The following COL14A1 variants were observed in gnomAD, a reference collection of about 807,000 sequenced individuals.
COL14A1 encodes collagen type XIV alpha 1 chain.
In COL14A1, 136 loss-of-function variants were observed where a neutral mutation model predicts 230.3. The observed-to-expected ratio is 0.59, with a 90% confidence interval of 0.51 to 0.68. The LOEUF (loss-of-function observed/expected upper bound fraction) is 0.68. Among genes scored for constraint, COL14A1 ranks in the 30% least tolerant of loss-of-function variants. The pLI, the probability that COL14A1 is intolerant of heterozygous loss-of-function variation, is 0.00. For synonymous variants in COL14A1, 792 were observed against 784.1 expected (o/e 1.01, Z -0.17); for missense variants, 1,976 against 2,215.8 (o/e 0.89, Z 2.17).
chr8:120,292,342 G>A (rs1229830507), intron 34 of COL14A1, among the ~76,000 whole-genome samples: 2 of 152,072 alleles, frequency 1.3e-5, no homozygotes, highest in African/African-American at 2.4e-5. Context: ...GTAGACAAAG[G>A]AGAATTATAG....
At chr8:120,146,995 T>C (rs1243409085) in intron 1 of COL14A1, among the ~76,000 whole-genome samples, 3 of 152,034 alleles carry the variant, frequency 2.0e-5, no homozygotes, top group African/African-American at 7.2e-5. Context: ...CATTCATTGT[T>C]TTTTCCCCTC....
At chr8:120,298,598 TA>T (rs1586842369) in intron 35 of COL14A1, among the ~76,000 whole-genome samples, 307 of 3,704 alleles carry the variant, frequency 0.083, 9 homozygotes, top group East Asian at 0.28. Flanking sequence ...CCATATATTT[TA>T]TATATATATA....
intron 1 of COL14A1, among the ~76,000 whole-genome samples, chr8:120,136,959 CAAAAAAAAA>C (rs34417716): frequency 1.3e-4 from 8 of 62,908 alleles, no homozygotes; most frequent in African/African-American, 3.4e-4. Flanking sequence ...GAGTCTGTCT[CAAAAAAAAA>C]AAAAAAAAAA....
At chr8:120,229,118 A>AT (rs1284695282) in intron 18 of COL14A1, among the ~76,000 whole-genome samples, 2 of 52,182 alleles carry the variant, frequency 3.8e-5, no homozygotes, top group African/African-American at 9.6e-5. Context: ...TATTTTATTT[A>AT]TTATTATTAT....
intron 8 of COL14A1, among the ~76,000 whole-genome samples, chr8:120,203,356 G>A (rs1278195199): frequency 6.6e-6 from 1 of 151,422 alleles, no homozygotes; most frequent in Admixed American, 6.6e-5. Flanking sequence ...ATGGGGGTGG[G>A]GGGGGGTCCC....
rs915892943 is a variant in COL14A1, at chr8:120,318,128, T to C, written c.4659+2131T>C. On this transcript the variant is annotated intron_variant, in intron 40 of 47. Transcript: ENST00000297848. ...AAACATAATGGTGCCCCTGAAATTG[T>C]GTAACATGGCTGCCTTGCTTGAGGG... Among the ~76,000 whole-genome samples, 7 of 152,220 alleles carry C rather than the reference T, an allele frequency of 4.6e-5. No homozygotes were observed. The South Asian group carries it at 1.4e-3, about 31-fold the overall frequency.
At chr8:120,299,753 G>T (rs893570346) in intron 35 of COL14A1, among the ~76,000 whole-genome samples, 5 of 152,194 alleles carry the variant, frequency 3.3e-5, no homozygotes, top group Non-Finnish European at 7.4e-5. Flanking sequence ...AACATTTAGA[G>T]AAAAGTATAT....
chr8:120,280,839 A>T, intron 30 of COL14A1, 82 bp from the exon 31 acceptor site: 1 of 1,496,742 alleles, frequency 6.7e-7, no homozygotes. Context: ...TTAAATCCTT[A>T]ATAGAAAAAT....
intron 5 of COL14A1, among the ~76,000 whole-genome samples, chr8:120,185,144 A>G (rs1336714542): frequency 1.3e-5 from 2 of 152,202 alleles, no homozygotes; most frequent in African/African-American, 4.8e-5. Flanking sequence ...ATTTCCACCC[A>G]CGATTGGATT....
At chr8:120,236,680 A>T (rs1818454869) in intron 19 of COL14A1, among the ~76,000 whole-genome samples, 1 of 152,064 alleles carries the variant, frequency 6.6e-6, no homozygotes, top group South Asian at 2.1e-4. Flanking sequence ...CTGGTTATTT[A>T]GCCCATTAGT....
chr8:120,256,664 G>T (rs1276493080), intron 23 of COL14A1, among the ~76,000 whole-genome samples: 2 of 152,184 alleles, frequency 1.3e-5, no homozygotes, highest in Admixed American at 1.3e-4. Context: ...TGATTTATGG[G>T]ATGCCAAAAG....
chr8:120,231,423 T>A (rs1218936739), intron 18 of COL14A1, 44 bp from the exon 19 acceptor site: 1 of 1,595,596 alleles, frequency 6.3e-7, no homozygotes, highest in Admixed American at 1.7e-5. Flanking sequence ...TTTTGGAATA[T>A]GATATGTTAA....
In COL14A1 at chr8:120,193,096, C is replaced by T. The variant is rs1046558065; in HGVS notation, c.437-3695C>T. On this transcript the variant is annotated intron_variant, in intron 5 of 47. Transcript: ENST00000297848. ...TTGTTCTGTTGCTGGTGAGGAACTG[C>T]GTTCCTTTGGAGGAGGATAGGCGCT... Among the ~76,000 whole-genome samples the T allele has an allele frequency of 1.1e-4, 17 of 152,332 alleles. No individual in the cohort carries two copies. The East Asian group carries it at 1.4e-3, about 12-fold the overall frequency.
Position 120,315,650 on chromosome 8 carries a change from A to G in COL14A1, c.4605+64A>G. 3.7e-6 allele frequency: 5 copies of G among 1,334,646 alleles called. No homozygotes were observed. In the South Asian group the frequency reaches 6.2e-5, roughly 16 times the overall value. 82.7% of individuals were successfully genotyped at this position (1,334,646 alleles called of 1,614,324 possible). ...ACAACTTTGCCAAGGGGGAAAAAAA[A>G]GCTGTAGCTTCTGAAGTCAGTTGTG... On this transcript the variant is annotated intron_variant, in intron 39 of 47. Transcript: ENST00000297848.
chr8:120,248,702 A>C (rs1422034056), intron 21 of COL14A1, among the ~76,000 whole-genome samples: 1 of 151,962 alleles, frequency 6.6e-6, no homozygotes, highest in African/African-American at 2.4e-5. Context: ...ACAAAAATAC[A>C]AAAATTAGCC....
rs112930661 is a variant in COL14A1 at position 120,346,353 on chromosome 8, A to C, written c.5077+790A>C. Among the ~76,000 whole-genome samples, 2 of 152,324 alleles carry C rather than the reference A, an allele frequency of 1.3e-5. 1 individual carries two copies. The highest frequency in any genetic ancestry group is 4.1e-4 in the South Asian group (2 of 4,826). On this transcript the variant is annotated intron_variant, in intron 45 of 47. Transcript: ENST00000297848. ...AGGAGATGTGGGAAGTCAGGGTTGC[A>C]TGTTAACCGTGAAGAAAGTGATGGG...
intron 32 of COL14A1, 147 bp downstream of exon 32, chr8:120,283,925 G>T: frequency 1.7e-6 from 1 of 575,982 alleles, no homozygotes; most frequent in Admixed American, 3.8e-5. Context: ...TATAGCAGTT[G>T]GTTTATCCAT....
At chr8:120,262,158 C>A (rs975152061) in intron 23 of COL14A1, among the ~76,000 whole-genome samples, 4 of 151,668 alleles carry the variant, frequency 2.6e-5, no homozygotes, top group African/African-American at 9.7e-5. Context: ...AAAATCATAT[C>A]GAATAAAAGG....
chr8:120,239,392 A>G (rs1818548832), intron 19 of COL14A1, among the ~76,000 whole-genome samples: 1 of 152,240 alleles, frequency 6.6e-6, no homozygotes, highest in South Asian at 2.1e-4. Context: ...TCACTCAAAA[A>G]GCCTTCAATG....
Sources: gnomAD v4.1 joint callset for allele counts (sites outside exome capture counted in the v4.1 genomes callset) on GRCh38, gnomAD v4.1.1 for gene constraint, MANE v1.5 for transcripts, NCBI Gene and HGNC (gene_info 2026-07-23, HGNC 2026-07-21) for gene names.